MICU3: variants seen among roughly 807,000 people sequenced by gnomAD.
MICU3 encodes calcium uptake protein 3, mitochondrial.
A neutral mutation model predicts 66.5 loss-of-function variants in MICU3; 62 were observed. The ratio of observed to expected loss-of-function variants is 0.93; its 90% confidence interval spans 0.76 to 1.15. The LOEUF (loss-of-function observed/expected upper bound fraction) is 1.15, where lower values mean the gene tolerates loss of function less well. MICU3 is among the 50% of genes most tolerant of loss of function. The probability of loss-of-function intolerance (pLI) is 0.00; values close to 1 mark genes in which losing one functional copy is unlikely to be tolerated. For synonymous variants in MICU3, 308 were observed against 240.7 expected, an observed-to-expected ratio of 1.28 and a Z score of -2.59; for missense variants, 779 against 664.4, an observed-to-expected ratio of 1.17 and a Z score of -1.90.
chr8:17,110,746 G>GC (rs1221905441), intron 11 of MICU3, among the ~76,000 whole-genome samples: 1 of 151,474 alleles, frequency 6.6e-6, no homozygotes, highest in African/African-American at 2.4e-5. Context: ...TGGGGAGGGG[G>GC]GGGTAGAGAC....
chr8:17,102,018 C>G lies in MICU3; in HGVS notation c.985-2373C>G, dbSNP rs543614801. ...TTATTATTCCTTAAGATAGTAATAT[C>G]CTCGAGAGATTAACTTCTCTAAGGT... On this transcript the variant is annotated intron_variant, in intron 9 of 14. Coordinates refer to ENST00000318063, the MANE Select transcript of MICU3 (RefSeq NM_181723.3). Among the ~76,000 whole-genome samples the G allele has an allele frequency of 2.5e-4, 38 of 151,998 alleles. No homozygotes were observed. In the South Asian group the frequency reaches 7.5e-3, roughly 30 times the overall value.
chr8:17,112,210 G>C (rs1802269077), intron 11 of MICU3, among the ~76,000 whole-genome samples: 1 of 152,194 alleles, frequency 6.6e-6, no homozygotes, highest in Admixed American at 6.5e-5. Flanking sequence ...CTTATTGAAA[G>C]TCAGTTGACC....
intron 7 of MICU3, among the ~76,000 whole-genome samples, chr8:17,089,540 C>A (rs1405894602): frequency 6.6e-6 from 1 of 151,912 alleles, no homozygotes; most frequent in East Asian, 1.9e-4. Context: ...AGTTCTGAGG[C>A]AATTAAAATT....
chr8:17,038,297 G>C (rs1202175551), intron 1 of MICU3, among the ~76,000 whole-genome samples: 1 of 152,130 alleles, frequency 6.6e-6, no homozygotes, highest in Non-Finnish European at 1.5e-5. Flanking sequence ...GTGGGGGTGG[G>C]TTTTTCCCAT....
rs547943131 is a variant in MICU3, at chr8:17,109,421, G to C, written c.1257+3837G>C. Among the ~76,000 whole-genome samples the C allele has an allele frequency of 2.5e-4, 38 of 152,164 alleles. No homozygotes were observed. In the South Asian group the frequency reaches 7.9e-3, roughly 32 times the overall value. On this transcript the variant is annotated intron_variant, in intron 11 of 14. Coordinates refer to ENST00000318063, the MANE Select transcript of MICU3 (RefSeq NM_181723.3). ...TTGTAATAGCAACAGGCTGGAAATG[G>C]CCTAAATGTCTTTCAGTAAGTCACT... is the stretch of plus-strand genomic sequence containing the variant.
chr8:17,081,675 A>T lies in MICU3; in HGVS notation c.647-18A>T. ...GAACAATATTTTATATATATAACTG[A>T]TACTATTTTTCTTGTAGGTGTGATT... is the stretch of plus-strand genomic sequence containing the variant. On this transcript the variant is annotated intron_variant, in intron 4 of 14. Coordinates refer to ENST00000318063, the MANE Select transcript of MICU3 (RefSeq NM_181723.3). The T allele has an allele frequency of 1.3e-6, 1 of 779,032 alleles. No homozygotes were observed. The allele number at this position is 779,032 out of a possible 1,614,324, so 48.3% of individuals were successfully genotyped here.
At chr8:17,036,187 G>A (rs549983816) in intron 1 of MICU3, among the ~76,000 whole-genome samples, 13 of 152,144 alleles carry the variant, frequency 8.5e-5, no homozygotes, top group East Asian at 7.7e-4. Context: ...AGACCTTTGC[G>A]GTGAGTGTTA....
chr8:17,055,585 G>T (rs1366620976), intron 1 of MICU3, among the ~76,000 whole-genome samples: 1 of 152,226 alleles, frequency 6.6e-6, no homozygotes, highest in Admixed American at 6.5e-5. Context: ...GTGAGCAGAA[G>T]TGATTTGCAC....
Position 17,065,942 on chromosome 8 carries a change from C to T in MICU3, c.535+1705C>T, listed in dbSNP as rs138046045. Among the ~76,000 whole-genome samples the T allele has an allele frequency of 5.2e-3, 794 of 151,844 alleles. 2 individuals carry two copies. Among genetic ancestry groups the T allele is most frequent in the South Asian group, 9.3e-3 (45 of 4,822 alleles). On this transcript the variant is annotated intron_variant, in intron 2 of 14. Coordinates refer to ENST00000318063, the MANE Select transcript of MICU3 (RefSeq NM_181723.3). ...TTTTAACAAGAAACTATGAGAGTAA[C>T]GTTTAAAGAAATGTAAACTACATAA... is the stretch of plus-strand genomic sequence containing the variant.
Position 17,105,454 on chromosome 8 carries a change from TC to T in MICU3, c.1129del (p.Leu377PhefsTer7), listed in dbSNP as rs1389339959. On this transcript the variant is annotated frameshift_variant, in exon 11 of 15. Coordinates refer to ENST00000318063, the MANE Select transcript of MICU3 (RefSeq NM_181723.3). LOFTEE classifies it high-confidence loss of function. ...NLQTEVLEIEFLSYSNGMNTI... is the reference protein window; with the variant it reads ...NLQTEVLEIEXLSYSNGMNTI... Reference sequence around the variant, plus strand: ...CAAACAGAAGTTCTAGAAATAGAATTCCTTTCCTACTCAAATGGAATGAATA... The same window carrying T: ...CAAACAGAAGTTCTAGAAATAGAATTCTTTCCTACTCAAATGGAATGAATA... The T allele has an allele frequency of 6.4e-7, 1 of 1,571,968 alleles. No homozygotes were observed.
At chr8:17,131,627 T>A in the MICU3 span, 2 of 152,510 alleles carry the variant, frequency 1.3e-5, no homozygotes, top group South Asian at 4.1e-4. Flanking sequence ...TCCCGGATAA[T>A]CTCCAGCTGA....
intron 6 of MICU3, among the ~76,000 whole-genome samples, chr8:17,086,074 C>T (rs759761119): frequency 5.3e-5 from 8 of 151,994 alleles, no homozygotes; most frequent in Non-Finnish European, 8.8e-5. Context: ...CTACACTCTC[C>T]GAGTAAAAAG....
intron 2 of MICU3, among the ~76,000 whole-genome samples, chr8:17,069,196 CT>C (rs1563325934): frequency 6.6e-6 from 1 of 152,162 alleles, no homozygotes; most frequent in East Asian, 1.9e-4. Context: ...CCTTTCCTTT[CT>C]TTTTTTCTTT....
chr8:17,034,324 C>T lies in MICU3; in HGVS notation c.381+6664C>T, dbSNP rs4921738. Among the ~76,000 whole-genome samples the T allele has an allele frequency of 6.5e-3, 983 of 152,240 alleles. 4 individuals are homozygous for T. The highest frequency in any genetic ancestry group is 0.011 in the Non-Finnish European group (762 of 68,022). On this transcript the variant is annotated intron_variant, in intron 1 of 14. Coordinates refer to ENST00000318063, the MANE Select transcript of MICU3 (RefSeq NM_181723.3). ...GCTCATTGACAATGTACGTAGTCACCCAAGAGGTCTGATGGAGATTTACAA... is the reference window on the plus strand; with the variant it reads ...GCTCATTGACAATGTACGTAGTCACTCAAGAGGTCTGATGGAGATTTACAA...
At chr8:17,051,781 C>G (rs367815623) in intron 1 of MICU3, among the ~76,000 whole-genome samples, 3 of 152,102 alleles carry the variant, frequency 2.0e-5, no homozygotes, top group East Asian at 3.9e-4. Context: ...GAGAGCCTTG[C>G]TGGAGTAAGA....
chr8:17,108,839 G>C lies in MICU3; in HGVS notation c.1257+3255G>C, dbSNP rs117880215. 5.8e-3 allele frequency among the ~76,000 whole-genome samples: 881 copies of C among 152,158 alleles called. 11 individuals carry two copies. The highest frequency in any genetic ancestry group is 6.7e-3 in the Non-Finnish European group (455 of 67,986). On this transcript the variant is annotated intron_variant, in intron 11 of 14. Transcript: ENST00000318063. ...AGTAAAAGCCAGAATCCTTACAGTG[G>C]CTCCTACACACACTGCTCCCTCATT...
downstream of MICU3, among the ~76,000 whole-genome samples, chr8:17,124,984 C>G (rs936128825): frequency 6.6e-6 from 1 of 152,070 alleles, no homozygotes; most frequent in Non-Finnish European, 1.5e-5. Context: ...GTGCTGAGCA[C>G]TCAACAGTCT....
chr8:17,038,268 G>T (rs1054617559), intron 1 of MICU3, among the ~76,000 whole-genome samples: 1 of 152,252 alleles, frequency 6.6e-6, no homozygotes, highest in South Asian at 2.1e-4. Context: ...GGAGGGACCC[G>T]GTGGGAGATA....
At chr8:17,034,211 A>T (rs954478898) in intron 1 of MICU3, among the ~76,000 whole-genome samples, 4 of 152,238 alleles carry the variant, frequency 2.6e-5, no homozygotes, top group African/African-American at 4.8e-5. Flanking sequence ...ATGACAACAC[A>T]TCTGTTTACA....
Sources: gnomAD v4.1 joint callset for allele counts (sites outside exome capture counted in the v4.1 genomes callset) on GRCh38, gnomAD v4.1.1 for gene constraint, MANE v1.5 for transcripts, NCBI Gene and HGNC (gene_info 2026-07-23, HGNC 2026-07-21) for gene names.